Variants in CTNND2 observed in about 807,000 individuals in gnomAD.
CTNND2 encodes catenin delta-2.
In CTNND2, 22 loss-of-function variants were observed where a neutral mutation model predicts 144.4. The observed-to-expected ratio is 0.15, with a 90% CI of 0.11 to 0.22. CTNND2 has a LOEUF of 0.22. Among genes scored for constraint, CTNND2 ranks in the 10% least tolerant of loss-of-function variants. CTNND2 has a pLI of 1.00. For synonymous variants in CTNND2, 751 were observed against 695.6 expected (o/e 1.08, Z -1.25); for missense variants, 1,353 against 1,618.8 (o/e 0.84, Z 2.82).
At chr5:11,767,504 G>A (rs528892061) in intron 1 of CTNND2, among the ~76,000 whole-genome samples, 1 of 152,364 alleles carries the variant, frequency 6.6e-6, no homozygotes, top group African/African-American at 2.4e-5. Flanking sequence ...AGATGGTTTA[G>A]AAATGAACCA....
chr5:11,682,419 A>G (rs1300732090), intron 2 of CTNND2, among the ~76,000 whole-genome samples: 2 of 152,216 alleles, frequency 1.3e-5, no homozygotes, highest in African/African-American at 4.8e-5. Context: ...ACATTATCAC[A>G]ACATCCGGAT....
At chr5:11,237,922 T>G (rs977851479) in intron 9 of CTNND2, among the ~76,000 whole-genome samples, 1 of 152,240 alleles carries the variant, frequency 6.6e-6, no homozygotes, top group Non-Finnish European at 1.5e-5. Context: ...ATAATGACTT[T>G]ATAATAGGAA....
chr5:11,717,057 G>A (rs559229369), intron 2 of CTNND2, among the ~76,000 whole-genome samples: 8 of 151,568 alleles, frequency 5.3e-5, no homozygotes, highest in African/African-American at 1.7e-4. Context: ...TAGTAAAGAC[G>A]GGGTTTCGCC....
intron 1 of CTNND2, among the ~76,000 whole-genome samples, chr5:11,900,013 T>TTG (rs573178502): frequency 1.4e-4 from 22 of 151,876 alleles, no homozygotes; most frequent in East Asian, 1.9e-4. Flanking sequence ...TATAACGTGT[T>TTG]TGTGTGTGTG....
rs186998845 is a variant in CTNND2 at position 11,426,695 on chromosome 5, A to G, written c.288-14626T>C. On this transcript the variant is annotated intron_variant, in intron 3 of 21. Coordinates refer to ENST00000304623, the MANE Select transcript of CTNND2 (RefSeq NM_001332.4). ...CGTGCTGGCAGCTCCAAAAGACCACACTTTCCCTTCAAGCCAGAACTTGCT... is the reference window on the plus strand; with the variant it reads ...CGTGCTGGCAGCTCCAAAAGACCACGCTTTCCCTTCAAGCCAGAACTTGCT... Among the ~76,000 whole-genome samples the G allele has an allele frequency of 2.0e-5, 3 of 152,310 alleles. No homozygotes were observed. In the East Asian group the frequency reaches 5.8e-4, roughly 29 times the overall value.
chr5:11,310,978 ACT>A (rs1750755093), intron 9 of CTNND2, among the ~76,000 whole-genome samples: 1 of 133,394 alleles, frequency 7.5e-6, no homozygotes, highest in South Asian at 2.4e-4. Context: ...ACATACACAC[ACT>A]CTCACACTCT....
intron 3 of CTNND2, among the ~76,000 whole-genome samples, chr5:11,540,619 C>G (rs993917715): frequency 2.0e-5 from 3 of 152,154 alleles, no homozygotes; most frequent in Admixed American, 2.0e-4. Flanking sequence ...TGGGTTCAAG[C>G]CGGGCTCAGC....
intron 1 of CTNND2, among the ~76,000 whole-genome samples, chr5:11,870,327 CACA>C (rs1369516028): frequency 6.6e-6 from 1 of 152,078 alleles, no homozygotes; most frequent in Non-Finnish European, 1.5e-5. Context: ...AAGGACAGCC[CACA>C]ACAACAGTTA....
Position 11,473,096 on chromosome 5 carries a change from T to C in CTNND2, c.288-61027A>G, listed in dbSNP as rs114503093. 6.7e-3 allele frequency among the ~76,000 whole-genome samples: 1,023 copies of C among 152,178 alleles called. 16 individuals are homozygous for C. Among genetic ancestry groups the C allele is most frequent in the African/African-American group, 0.024 (982 of 41,532 alleles). ...AAAAAGAAAGAAAGAAAGAAAAAAT[T>C]AGTGACAGGTCCAAATATTCTGTAG... On this transcript the variant is annotated intron_variant, in intron 3 of 21. Coordinates refer to ENST00000304623, the MANE Select transcript of CTNND2 (RefSeq NM_001332.4).
At chr5:11,380,743 G>A (rs534629326) in intron 7 of CTNND2, among the ~76,000 whole-genome samples, 3 of 152,164 alleles carry the variant, frequency 2.0e-5, no homozygotes, top group Non-Finnish European at 2.9e-5. Flanking sequence ...TGTCTATCAG[G>A]AAGATCCAAT....
chr5:11,068,934 CA>C (rs931811525), intron 16 of CTNND2, among the ~76,000 whole-genome samples: 2 of 152,010 alleles, frequency 1.3e-5, no homozygotes, highest in Non-Finnish European at 2.9e-5. Flanking sequence ...AAAACAACAA[CA>C]AAAAAATAAG....
In CTNND2 at chr5:11,846,509, A is replaced by G. The variant is rs117778604; in HGVS notation, c.37+57308T>C. On this transcript the variant is annotated intron_variant, in intron 1 of 21. Coordinates refer to ENST00000304623, the MANE Select transcript of CTNND2 (RefSeq NM_001332.4). ...CAATTAGTTGAAGAAATCATAGTGG[A>G]TCAATGCTTCATGAATTTCAACTGG... Among the ~76,000 whole-genome samples, 38 of 152,274 alleles carry G rather than the reference A, an allele frequency of 2.5e-4. No individual in the cohort carries two copies. In the East Asian group the frequency reaches 7.4e-3, roughly 29 times the overall value.
intron 9 of CTNND2, among the ~76,000 whole-genome samples, chr5:11,330,104 G>A (rs769628270): frequency 9.9e-5 from 15 of 151,994 alleles, no homozygotes; most frequent in Non-Finnish European, 1.9e-4. Context: ...CCTGTTGTAC[G>A]TTGCCTGTGT....
chr5:11,897,279 T>C (rs1451385289), intron 1 of CTNND2, among the ~76,000 whole-genome samples: 1 of 152,200 alleles, frequency 6.6e-6, no homozygotes, highest in Non-Finnish European at 1.5e-5. Flanking sequence ...AAAGTCCAAA[T>C]AAAATATGTG....
intron 8 of CTNND2, among the ~76,000 whole-genome samples, chr5:11,352,718 C>T (rs190349232): frequency 1.3e-3 from 194 of 152,230 alleles, no homozygotes; most frequent in African/African-American, 4.4e-3. Flanking sequence ...GCAAGCTCCT[C>T]ATTAGGTCTT....
chr5:11,825,859 T>C (rs1318258926), intron 1 of CTNND2, among the ~76,000 whole-genome samples: 1 of 152,034 alleles, frequency 6.6e-6, no homozygotes, highest in Non-Finnish European at 1.5e-5. Context: ...GGGAAAATTA[T>C]GTCAACTAGG....
intron 3 of CTNND2, among the ~76,000 whole-genome samples, chr5:11,448,816 G>A (rs1765065059): frequency 1.3e-5 from 2 of 151,978 alleles, no homozygotes; most frequent in African/African-American, 4.8e-5. Context: ...CTATAGGCGT[G>A]CACCACCAGG....
At chr5:11,860,250 C>T (rs992184185) in intron 1 of CTNND2, among the ~76,000 whole-genome samples, 2 of 152,152 alleles carry the variant, frequency 1.3e-5, no homozygotes, top group Non-Finnish European at 2.9e-5. Flanking sequence ...ATACACAATG[C>T]TTTTTACAGA....
intron 15 of CTNND2, among the ~76,000 whole-genome samples, chr5:11,084,704 C>A (rs1749950646): frequency 1.3e-5 from 2 of 152,248 alleles, no homozygotes; most frequent in South Asian, 4.2e-4. Context: ...CACCATACCA[C>A]TTCTTTGCAG....
Sources: gnomAD v4.1 joint callset for allele counts (sites outside exome capture counted in the v4.1 genomes callset) on GRCh38, gnomAD v4.1.1 for gene constraint, MANE v1.5 for transcripts, NCBI Gene and HGNC (gene_info 2026-07-23, HGNC 2026-07-21) for gene names.